Variants in ZNF366 observed in about 807,000 individuals in gnomAD.
ZNF366 encodes zinc finger protein 366.
Under a neutral mutation model 47.2 loss-of-function variants are expected in ZNF366, and 20 were observed. The ratio of observed to expected loss-of-function variants is 0.42; its 90% CI spans 0.30 to 0.62. The LOEUF (loss-of-function observed/expected upper bound fraction) is 0.62. Among genes scored for constraint, ZNF366 ranks in the 20% least tolerant of loss-of-function variants. The probability of loss-of-function intolerance (pLI) is 0.16; values close to 1 mark genes in which losing one functional copy is unlikely to be tolerated. For missense variants in ZNF366, 987 were observed against 976.3 expected (o/e 1.01, Z -0.15); for synonymous variants, 421 against 395.1 (o/e 1.07, Z -0.78).
intron 1 of ZNF366, among the ~76,000 whole-genome samples, chr5:72,470,441 T>C (rs1319300497): frequency 6.6e-6 from 1 of 152,234 alleles, no homozygotes; most frequent in Non-Finnish European, 1.5e-5. Flanking sequence ...GAAACCTTTC[T>C]TTCCAAAAGA....
At chr5:72,454,254 C>T (rs143867415) in intron 3 of ZNF366, among the ~76,000 whole-genome samples, 5 of 152,280 alleles carry the variant, frequency 3.3e-5, no homozygotes, top group East Asian at 1.9e-4. Context: ...AAGGAGCCAT[C>T]GTTCATGAAA....
At chr5:72,506,377 T>C (rs1444162627) in intron 1 of ZNF366, among the ~76,000 whole-genome samples, 1 of 152,218 alleles carries the variant, frequency 6.6e-6, no homozygotes, top group Non-Finnish European at 1.5e-5. Context: ...ACTAATCTAA[T>C]TGAAGCAAGT....
At position 72,507,153 on chromosome 5, in the gene ZNF366, AC is replaced by A. The variant is rs1354081047; in HGVS notation, c.-15+97del. The A allele has an allele frequency of 7.7e-6, 7 of 907,480 alleles. No homozygotes were observed. In the East Asian group the frequency reaches 8.3e-4, roughly 108 times the overall value. 56.2% of individuals were successfully genotyped at this position (907,480 alleles called of 1,614,324 possible). On this transcript the variant is annotated intron_variant, in intron 1 of 4. Coordinates refer to ENST00000318442, the MANE Select transcript of ZNF366 (RefSeq NM_152625.3). ...TATCACTTATACCCTTTGGTTAAGGACTACTCCCAGTAAGGTATTTTCTGTT... is the reference window on the plus strand; with the variant it reads ...TATCACTTATACCCTTTGGTTAAGGATACTCCCAGTAAGGTATTTTCTGTT...
At chr5:72,466,720 A>T (rs1743436496) in intron 1 of ZNF366, among the ~76,000 whole-genome samples, 1 of 152,242 alleles carries the variant, frequency 6.6e-6, no homozygotes, top group African/African-American at 2.4e-5. Flanking sequence ...ATCTTGTGTT[A>T]TTTAGACTGT....
chr5:72,445,364 G>GC (rs869220288), intron 4 of ZNF366, among the ~76,000 whole-genome samples: 3 of 4,344 alleles, frequency 6.9e-4, no homozygotes, highest in African/African-American at 6.0e-4. Flanking sequence ...GCTTCTGGGA[G>GC]GGGGTGAAAA....
rs1269469754 is a variant in ZNF366 at position 72,442,145 on chromosome 5, C to T, written c.*1611G>A. 1 of 152,204 alleles carries T rather than the reference C, an allele frequency of 6.6e-6. No homozygotes were observed. The highest frequency in any genetic ancestry group is 1.5e-5 in the Non-Finnish European group (1 of 68,052). 9.4% of individuals were successfully genotyped at this position (152,204 alleles called of 1,614,324 possible). A position where few individuals can be genotyped will look rare whatever the true frequency, so the allele number is the denominator to read the frequency against. On this transcript the variant is annotated 3_prime_UTR_variant, in exon 5 of 5. Transcript: ENST00000318442. ...TATATATAGACTGTGTGTGTCCGCT[C>T]ATAAGGCTCTTACAGACAGGTAAGA... is the stretch of plus-strand genomic sequence containing the variant.
chr5:72,474,222 T>A (rs1225990510), intron 1 of ZNF366, among the ~76,000 whole-genome samples: 1 of 152,048 alleles, frequency 6.6e-6, no homozygotes, highest in African/African-American at 2.4e-5. Flanking sequence ...AGATCAGGAG[T>A]TTCTGACACT....
intron 1 of ZNF366, among the ~76,000 whole-genome samples, chr5:72,469,660 A>G (rs1743517878): frequency 6.6e-6 from 1 of 152,200 alleles, no homozygotes. Flanking sequence ...GGCAGGGATG[A>G]TGCATTAAGT....
chr5:72,478,019 T>C (rs1173285659), intron 1 of ZNF366, among the ~76,000 whole-genome samples: 1 of 152,204 alleles, frequency 6.6e-6, no homozygotes, highest in Non-Finnish European at 1.5e-5. Flanking sequence ...GGGTTTGTTT[T>C]TTTTTAATGA....
At chr5:72,444,387 C>G (rs555040522) in intron 4 of ZNF366, 96 bp from the exon 5 acceptor site, 6 of 1,319,206 alleles carry the variant, frequency 4.5e-6, no homozygotes, top group South Asian at 1.5e-5. Flanking sequence ...TAATGTATTC[C>G]GATGCGTATT....
At chr5:72,458,793 T>C (rs1743244696) in intron 2 of ZNF366, among the ~76,000 whole-genome samples, 2 of 152,242 alleles carry the variant, frequency 1.3e-5, no homozygotes, top group South Asian at 2.1e-4. Context: ...TACCTCTCAC[T>C]GTTTGCTGAC....
chr5:72,458,263 G>A (rs1192618726), intron 2 of ZNF366, among the ~76,000 whole-genome samples: 4 of 152,102 alleles, frequency 2.6e-5, no homozygotes, highest in Non-Finnish European at 4.4e-5. Context: ...TGATCCGCCC[G>A]TCTCGGCCTC....
chr5:72,507,301 C>A lies in ZNF366; in HGVS notation c.-65G>T, dbSNP rs1744337738. The A allele has an allele frequency of 1.0e-6, 1 of 985,526 alleles. No homozygotes were observed. The highest frequency in any genetic ancestry group is 1.2e-6 in the Non-Finnish European group (1 of 830,034). 61.0% of individuals were successfully genotyped at this position (985,526 alleles called of 1,614,324 possible). ...AGCAGCCCCACTCCTTTACCTGATC[C>A]CTGCTCTCTCTGTCTCTCTCCCTCT... On this transcript the variant is annotated 5_prime_UTR_variant, in exon 1 of 5. Transcript: ENST00000318442.
intron 2 of ZNF366, among the ~76,000 whole-genome samples, 192 bp downstream of exon 2, chr5:72,459,973 C>A (rs1394325439): frequency 6.6e-6 from 1 of 152,210 alleles, no homozygotes; most frequent in East Asian, 1.9e-4. Context: ...AGGGCTTGGT[C>A]GAGAATCGTT....
chr5:72,450,935 C>A (rs966764340), intron 3 of ZNF366, among the ~76,000 whole-genome samples: 1 of 152,148 alleles, frequency 6.6e-6, no homozygotes, highest in Non-Finnish European at 1.5e-5. Flanking sequence ...GAGATGTGAG[C>A]CCCAAGCAGA....
At chr5:72,450,346 A>C (rs1193721421) in intron 3 of ZNF366, among the ~76,000 whole-genome samples, 1 of 152,096 alleles carries the variant, frequency 6.6e-6, no homozygotes, top group Non-Finnish European at 1.5e-5. Context: ...CCCCAACTCC[A>C]TGCACAGGGG....
intron 4 of ZNF366, among the ~76,000 whole-genome samples, chr5:72,445,685 C>T (rs1742945907): frequency 6.6e-6 from 1 of 152,170 alleles, no homozygotes; most frequent in Admixed American, 6.5e-5. Context: ...CCAGGTCATG[C>T]TTTCAGTTGG....
At chr5:72,468,175 A>G (rs979389292) in intron 1 of ZNF366, among the ~76,000 whole-genome samples, 1 of 152,196 alleles carries the variant, frequency 6.6e-6, no homozygotes, top group Admixed American at 6.5e-5. Context: ...CAGGAATAGA[A>G]CGGTCTCAAA....
chr5:72,501,752 C>A (rs999528933), intron 1 of ZNF366, among the ~76,000 whole-genome samples: 4 of 152,182 alleles, frequency 2.6e-5, no homozygotes, highest in Admixed American at 2.6e-4. Context: ...AACAAATGAC[C>A]GTTCTCTGTC....
Sources: allele counts gnomAD v4.1 joint callset (sites outside exome capture counted in the v4.1 genomes callset), GRCh38; gene constraint gnomAD v4.1.1; transcripts MANE v1.5; gene names NCBI Gene and HGNC (gene_info 2026-07-23, HGNC 2026-07-21).